FAM110B: variants seen among roughly 807,000 people sequenced by gnomAD.
FAM110B encodes protein FAM110B.
A neutral mutation model predicts 20.4 loss-of-function variants in FAM110B; 6 were observed. The ratio of observed to expected loss-of-function variants is 0.29; its 90% CI spans 0.16 to 0.58. The LOEUF is 0.58. Among genes scored for constraint, FAM110B ranks in the 20% least tolerant of loss-of-function variants. The pLI is 0.90. For missense variants in FAM110B, 434 were observed against 498.2 expected, an observed-to-expected ratio of 0.87 and a Z score of 1.23; for synonymous variants, 226 against 214.1, an observed-to-expected ratio of 1.06 and a Z score of -0.49.
At chr8:57,996,370 G>T (rs1440537451) in intron 1 of FAM110B, among the ~76,000 whole-genome samples, 1 of 152,082 alleles carries the variant, frequency 6.6e-6, no homozygotes, top group African/African-American at 2.4e-5. Context: ...TTTTCTGTTT[G>T]GAAAATGGTC....
intron 3 of FAM110B, among the ~76,000 whole-genome samples, chr8:58,119,560 A>G (rs1403943230): frequency 6.6e-6 from 1 of 152,232 alleles, no homozygotes; most frequent in Non-Finnish European, 1.5e-5. Context: ...CTAGGGAGAA[A>G]TAGTGGTGCG....
intron 3 of FAM110B, among the ~76,000 whole-genome samples, chr8:58,133,731 T>C (rs1284618660): frequency 6.6e-6 from 1 of 152,116 alleles, no homozygotes; most frequent in East Asian, 1.9e-4. Flanking sequence ...CAGACCCACA[T>C]CCCCCTGACA....
chr8:58,077,709 C>G (rs558161751), intron 3 of FAM110B, among the ~76,000 whole-genome samples: 1 of 152,276 alleles, frequency 6.6e-6, no homozygotes, highest in African/African-American at 2.4e-5. Flanking sequence ...GTCCCTCCCC[C>G]CATCAAGGCA....
chr8:58,055,609 T>C (rs1395216392), intron 2 of FAM110B, among the ~76,000 whole-genome samples: 1 of 152,242 alleles, frequency 6.6e-6, no homozygotes, highest in East Asian at 1.9e-4. Flanking sequence ...CCTTTTGAAG[T>C]TGAGTGAATC....
chr8:58,098,759 C>G (rs528636395), intron 3 of FAM110B, among the ~76,000 whole-genome samples: 1 of 141,166 alleles, frequency 7.1e-6, no homozygotes, highest in African/African-American at 2.6e-5. Context: ...TAGCCCCTCA[C>G]AGCTTCCCTT....
rs180695433 is a variant in FAM110B at position 58,035,079 on chromosome 8, C to G, written c.-414+3376C>G. 3.9e-5 allele frequency among the ~76,000 whole-genome samples: 6 copies of G among 152,194 alleles called. No homozygotes were observed. In the East Asian group the frequency reaches 1.2e-3, roughly 29 times the overall value. On this transcript the variant is annotated intron_variant, in intron 2 of 3. Coordinates refer to ENST00000519262, the MANE Select transcript of FAM110B (RefSeq NM_001377989.1). ...GTCAAGAGTTATGTGTCCAAAAATC[C>G]TTTTATTCTTATTAGGTGCTACTTT...
At chr8:58,037,360 C>T (rs985825449) in intron 2 of FAM110B, among the ~76,000 whole-genome samples, 3 of 151,368 alleles carry the variant, frequency 2.0e-5, no homozygotes, top group African/African-American at 4.9e-5. Flanking sequence ...CAATTTGGAG[C>T]TTAGAATGGT....
At chr8:58,006,358 A>C (rs1334472459) in intron 1 of FAM110B, among the ~76,000 whole-genome samples, 1 of 152,128 alleles carries the variant, frequency 6.6e-6, no homozygotes, top group African/African-American at 2.4e-5. Context: ...TTAGTTTGAG[A>C]CTAGAATCAA....
At chr8:58,142,665 C>T (rs1803769353) in intron 3 of FAM110B, among the ~76,000 whole-genome samples, 1 of 152,106 alleles carries the variant, frequency 6.6e-6, no homozygotes, top group Admixed American at 6.5e-5. Flanking sequence ...GTTTCTTTTC[C>T]CCAGTCCTTT....
chr8:58,133,210 T>G (rs1433914665), intron 3 of FAM110B, among the ~76,000 whole-genome samples: 7 of 150,892 alleles, frequency 4.6e-5, no homozygotes, highest in East Asian at 1.9e-4. Context: ...ATTTTGTTTT[T>G]TTTTTTTTTC....
At chr8:58,007,779 T>G (rs758794078) in intron 1 of FAM110B, among the ~76,000 whole-genome samples, 1 of 152,100 alleles carries the variant, frequency 6.6e-6, no homozygotes. Context: ...GAGAAATTTG[T>G]GTGGTTTATA....
intron 3 of FAM110B, among the ~76,000 whole-genome samples, chr8:58,115,158 G>C (rs181448473): frequency 6.6e-6 from 1 of 151,770 alleles, no homozygotes; most frequent in Non-Finnish European, 1.5e-5. Flanking sequence ...CCCCACCCTG[G>C]CCAATTTCTT....
At chr8:58,035,435 G>GT (rs1484115856) in intron 2 of FAM110B, among the ~76,000 whole-genome samples, 1 of 152,134 alleles carries the variant, frequency 6.6e-6, no homozygotes, top group Non-Finnish European at 1.5e-5. Context: ...CTTACCATTT[G>GT]TTTCACACAT....
intron 3 of FAM110B, among the ~76,000 whole-genome samples, chr8:58,076,449 G>A (rs577440358): frequency 5.9e-5 from 9 of 152,234 alleles, no homozygotes; most frequent in South Asian, 4.2e-4. Flanking sequence ...GAGGATGGCC[G>A]ACCAGCAGGC....
chr8:58,054,648 G>A (rs1038588409), intron 2 of FAM110B, among the ~76,000 whole-genome samples: 3 of 152,198 alleles, frequency 2.0e-5, no homozygotes, highest in African/African-American at 7.2e-5. Context: ...AGAGTAGGTG[G>A]GAGCATAGTC....
chr8:58,147,550 C>A lies in FAM110B; in HGVS notation c.*207C>A. 1 of 615,124 alleles carries A rather than the reference C, an allele frequency of 1.6e-6. No homozygotes were observed. The highest frequency in any genetic ancestry group is 2.8e-6 in the Non-Finnish European group (1 of 353,370). 38.1% of individuals were successfully genotyped at this position (615,124 alleles called of 1,614,324 possible). On this transcript the variant is annotated 3_prime_UTR_variant, in exon 4 of 4. Transcript: ENST00000519262. The stretch of plus-strand genomic sequence containing the variant: ...GCCTGGCTGAACACGCGTCATCTGC[C>A]AAAAGTTTCAGGCCAGAATCTAATT...
intron 3 of FAM110B, among the ~76,000 whole-genome samples, chr8:58,125,242 AG>A (rs1309438746): frequency 1.3e-5 from 2 of 152,084 alleles, no homozygotes; most frequent in Admixed American, 1.3e-4. Context: ...CAGCTACTCA[AG>A]GGGCTAAGGT....
chr8:58,138,692 A>G (rs1297797008), intron 3 of FAM110B, among the ~76,000 whole-genome samples: 1 of 152,208 alleles, frequency 6.6e-6, no homozygotes, highest in African/African-American at 2.4e-5. Context: ...CTTTGTGGGT[A>G]ACAAACTGTA....
intron 2 of FAM110B, among the ~76,000 whole-genome samples, chr8:58,060,610 A>G (rs1805636419): frequency 6.6e-6 from 1 of 152,202 alleles, no homozygotes; most frequent in Admixed American, 6.5e-5. Context: ...CCAGCAGCAC[A>G]TAGCATACAG....
Sources: gnomAD v4.1 joint callset for allele counts (sites outside exome capture counted in the v4.1 genomes callset) on GRCh38, gnomAD v4.1.1 for gene constraint, MANE v1.5 for transcripts, NCBI Gene and HGNC (gene_info 2026-07-23, HGNC 2026-07-21) for gene names.